FGF12: variants seen among roughly 807,000 people sequenced by gnomAD.
FGF12 encodes fibroblast growth factor 12.
In FGF12, 14 loss-of-function variants were observed where a neutral mutation model predicts 23.6. The observed-to-expected ratio is 0.59, with a 90% CI of 0.39 to 0.93. The LOEUF is 0.93. FGF12 is among the 40% of genes least tolerant of loss of function. The probability of loss-of-function intolerance (pLI) is 0.00; values close to 1 mark genes in which losing one functional copy is unlikely to be tolerated. For missense variants in FGF12, 175 were observed against 217.8 expected, an observed-to-expected ratio of 0.80 and a Z score of 1.24; for synonymous variants, 62 against 77.3, an observed-to-expected ratio of 0.80 and a Z score of 1.04.
chr3:192,212,920 C>T (rs1196420918), intron 4 of FGF12, among the ~76,000 whole-genome samples: 1 of 152,112 alleles, frequency 6.6e-6, no homozygotes, highest in Non-Finnish European at 1.5e-5. Context: ...AAGAGAAACA[C>T]ACAAAAATCA....
rs1394153196 is a variant in FGF12, at chr3:192,360,839, A to G, written c.14-301T>C. 1 of 353,872 alleles carries G rather than the reference A, an allele frequency of 2.8e-6. No individual in the cohort carries two copies. The highest frequency in any genetic ancestry group is 5.3e-6 in the Non-Finnish European group (1 of 187,684). The allele number at this position is 353,872 out of a possible 1,614,324, so 21.9% of individuals were successfully genotyped here. ...TCCTCCTTTGTGCATCTGGTGTCTG[A>G]CTGCAAGATTTCACCAACTTTATAG... is the stretch of plus-strand genomic sequence containing the variant. On this transcript the variant is annotated intron_variant, in intron 2 of 5. Transcript: ENST00000445105. The surrounding 1 kb of genome is among the most constrained non-coding windows in gnomAD (Gnocchi z 4.3).
At chr3:192,549,439 T>A (rs1435186998) in intron 2 of FGF12, among the ~76,000 whole-genome samples, 1 of 152,124 alleles carries the variant, frequency 6.6e-6, no homozygotes, top group Non-Finnish European at 1.5e-5. Context: ...GACAGAATAA[T>A]GATTATTCAT....
At chr3:192,466,302 C>T (rs914007453) in intron 2 of FGF12, among the ~76,000 whole-genome samples, 5 of 152,172 alleles carry the variant, frequency 3.3e-5, no homozygotes, top group Admixed American at 6.5e-5. Flanking sequence ...ATTCACATGA[C>T]GATATCTACT....
chr3:192,683,878 A>T (rs1420627849), intron 2 of FGF12, among the ~76,000 whole-genome samples: 5 of 152,192 alleles, frequency 3.3e-5, no homozygotes, highest in African/African-American at 1.2e-4. Context: ...GCTGCAACTC[A>T]ACCTCCATTC....
chr3:192,161,436 A>C (rs1192912644), intron 5 of FGF12, among the ~76,000 whole-genome samples: 2 of 151,974 alleles, frequency 1.3e-5, no homozygotes, highest in Non-Finnish European at 2.9e-5. Context: ...AGTTACACAC[A>C]AATACACACA....
At chr3:192,350,905 A>C (rs893849193) in intron 3 of FGF12, among the ~76,000 whole-genome samples, 40 of 152,188 alleles carry the variant, frequency 2.6e-4, no homozygotes, top group African/African-American at 9.4e-4. Flanking sequence ...GATGCGGGGA[A>C]GCTTTAAGTA....
chr3:192,663,454 T>C (rs1019612516), intron 2 of FGF12, among the ~76,000 whole-genome samples: 7 of 152,102 alleles, frequency 4.6e-5, no homozygotes, highest in African/African-American at 1.7e-4. Context: ...TCTCAGGTCA[T>C]TCACATGCCA....
intron 2 of FGF12, among the ~76,000 whole-genome samples, chr3:192,630,553 A>AGT (rs1239370941): frequency 2.3e-5 from 1 of 43,314 alleles, no homozygotes; most frequent in South Asian, 1.1e-3. Context: ...AAAAAAATTC[A>AGT]ATTTTTTTTT....
intron 2 of FGF12, among the ~76,000 whole-genome samples, chr3:192,613,408 G>A (rs1030458250): frequency 6.6e-6 from 1 of 151,846 alleles, no homozygotes; most frequent in Non-Finnish European, 1.5e-5. Context: ...AGTACGATGA[G>A]AAAGTGTTTG....
chr3:192,225,612 T>G (rs908081422), intron 4 of FGF12, among the ~76,000 whole-genome samples: 3 of 152,118 alleles, frequency 2.0e-5, no homozygotes, highest in African/African-American at 4.8e-5. Context: ...ACTTTATATA[T>G]ATATAAGATA....
intron 2 of FGF12, among the ~76,000 whole-genome samples, chr3:192,680,101 C>T (rs1023967179): frequency 6.6e-6 from 1 of 152,040 alleles, no homozygotes; most frequent in Non-Finnish European, 1.5e-5. Flanking sequence ...CGCATTGCCT[C>T]AGTGTGAAGA....
At chr3:192,425,786 T>G (rs1387191537) in intron 2 of FGF12, among the ~76,000 whole-genome samples, 1 of 152,238 alleles carries the variant, frequency 6.6e-6, no homozygotes, top group Non-Finnish European at 1.5e-5. Flanking sequence ...TATAAAGTCA[T>G]GTACTATTGT....
chr3:192,493,842 C>T (rs1014935269), intron 2 of FGF12, among the ~76,000 whole-genome samples: 1 of 152,136 alleles, frequency 6.6e-6, no homozygotes, highest in Non-Finnish European at 1.5e-5. Context: ...TCACCTCCCA[C>T]CAGGCCCCAC....
intron 2 of FGF12, among the ~76,000 whole-genome samples, chr3:192,578,852 C>T (rs1713019521): frequency 6.6e-6 from 1 of 152,128 alleles, no homozygotes; most frequent in Non-Finnish European, 1.5e-5. Flanking sequence ...ATTATTCCCA[C>T]CTGCAAAGGA....
chr3:192,477,566 T>C (rs1162198257), intron 2 of FGF12, among the ~76,000 whole-genome samples: 1 of 152,232 alleles, frequency 6.6e-6, no homozygotes, highest in East Asian at 1.9e-4. Context: ...TATATTTATT[T>C]TTAAACACTA....
At chr3:192,280,749 A>G (rs1344927961) in intron 4 of FGF12, among the ~76,000 whole-genome samples, 1 of 152,192 alleles carries the variant, frequency 6.6e-6, no homozygotes, top group Non-Finnish European at 1.5e-5. Flanking sequence ...GTGACAACAG[A>G]CCGTTGAGAG....
At chr3:192,439,837 T>C (rs527509903) in intron 2 of FGF12, among the ~76,000 whole-genome samples, 1 of 151,324 alleles carries the variant, frequency 6.6e-6, no homozygotes, top group Non-Finnish European at 1.5e-5. Context: ...TTTAGCCGGG[T>C]GTGGTGGTGG....
intron 2 of FGF12, among the ~76,000 whole-genome samples, chr3:192,388,780 G>A (rs1346105472): frequency 6.6e-6 from 1 of 151,692 alleles, no homozygotes; most frequent in Non-Finnish European, 1.5e-5. Context: ...CTATAAATAA[G>A]TATTCAAGTT....
At chr3:192,689,422 A>T (rs1200301931) in intron 2 of FGF12, among the ~76,000 whole-genome samples, 1 of 152,154 alleles carries the variant, frequency 6.6e-6, no homozygotes, top group South Asian at 2.1e-4. Context: ...AGTTTAAAAA[A>T]TTAGGAAACA....
Sources: allele counts gnomAD v4.1 joint callset (sites outside exome capture counted in the v4.1 genomes callset), GRCh38; gene constraint gnomAD v4.1.1; non-coding constraint Gnocchi (gnomAD v3.1); transcripts MANE v1.5; gene names NCBI Gene and HGNC (gene_info 2026-07-23, HGNC 2026-07-21).